Variants in SPATA32 observed in about 807,000 individuals in gnomAD.
SPATA32 encodes the protein spermatogenesis-associated protein 32.
Under a neutral mutation model 35.4 loss-of-function variants are expected in SPATA32, and 28 were observed. The ratio of observed to expected loss-of-function variants is 0.79; its 90% CI spans 0.59 to 1.09. The LOEUF is 1.09. Among genes scored for constraint, SPATA32 ranks in the 50% least tolerant of loss-of-function variants. The pLI is 0.00. For missense variants in SPATA32, 409 were observed against 475.9 expected (o/e 0.86, Z 1.31); for synonymous variants, 168 against 196.3 (o/e 0.86, Z 1.20).
In SPATA32 at chr17:45,255,442, G is replaced by T; in HGVS notation, c.740C>A (p.Ser247Tyr). The T allele has an allele frequency of 6.2e-7, 1 of 1,614,146 alleles. No individual in the cohort carries two copies. The highest frequency in any genetic ancestry group is 2.2e-5 in the East Asian group (1 of 44,888). ...CCTGCTGGAGGAGGCCATGGCCAGG[G>T]AAGATGCAAAGGTGATTAGCTCTGT... is the stretch of plus-strand genomic sequence containing the variant. ...DLTELITFAS[S>Y]LAMASSSRMD... The change falls in exon 4 of 5, where the codon TCC (serine) becomes TAC (tyrosine). Residue 247 changes from serine to tyrosine, a missense_variant. Transcript: ENST00000331780. The surrounding 1 kb of genome is among the most constrained non-coding windows in gnomAD (Gnocchi z 5.4).
Position 45,255,062 on chromosome 17 carries a change from G to T in SPATA32, c.1067+53C>A. On this transcript the variant is annotated intron_variant, in intron 4 of 4. Transcript: ENST00000331780. This position sits in a 1 kb window ranked among gnomAD's most constrained non-coding sequence, Gnocchi z 5.4. ...CCTACCCAGCTGTGTGAGGACCCCT[G>T]CCACGTTCTAGCACAGCCCCTCTAT... 6.4e-7 allele frequency: 1 copy of T among 1,562,618 alleles called. No homozygotes were observed. Among genetic ancestry groups the T allele is most frequent in the Non-Finnish European group, 8.8e-7 (1 of 1,139,044 alleles).
chr17:45,255,252 C>A lies in SPATA32; in HGVS notation c.930G>T (p.Trp310Cys). The A allele has an allele frequency of 6.2e-7, 1 of 1,614,222 alleles. No homozygotes were observed. Among genetic ancestry groups the A allele is most frequent in the East Asian group, 2.2e-5 (1 of 44,888 alleles). ...PREARAPLKS[W>C]SQEDKNFAQS... ...GAGCGAAGTTCTTGTCTTCCTGACT[C>A]CAAGATTTCAGTGGTGCTCTGGCTT... The change falls in exon 4 of 5, where the codon TGG (tryptophan) becomes TGT (cysteine). Residue 310 changes from tryptophan to cysteine, a missense_variant. Coordinates refer to ENST00000331780, the MANE Select transcript of SPATA32 (RefSeq NM_152343.3). The surrounding 1 kb of genome is among the most constrained non-coding windows in gnomAD (Gnocchi z 5.4).
chr17:45,256,183 T>C lies in SPATA32; in HGVS notation c.109-110A>G. On this transcript the variant is annotated intron_variant, in intron 3 of 4. Transcript: ENST00000331780. This position sits in a 1 kb window ranked among gnomAD's most constrained non-coding sequence, Gnocchi z 4.7. ...ACCCCTGCCCTGGGTCCTGCTGTCT[T>C]CCCCCCGCCCCCTAACCCCATGCCT... is the stretch of plus-strand genomic sequence containing the variant. 6 of 1,349,314 alleles carry C rather than the reference T, an allele frequency of 4.4e-6. No individual in the cohort carries two copies. Among genetic ancestry groups the C allele is most frequent in the Admixed American group, 1.9e-5 (1 of 51,308 alleles). The allele number at this position is 1,349,314 out of a possible 1,614,324, so 83.6% of individuals were successfully genotyped here.
At chr17:45,261,743 G>GT (rs1474236990) in intron 1 of SPATA32, 19 of 396,288 alleles carry the variant, frequency 4.8e-5, no homozygotes, top group African/African-American at 2.5e-4. Flanking sequence ...TGACTCTGCA[G>GT]TCCCTACTCC....
Position 45,257,206 on chromosome 17 carries a change from A to G in SPATA32, c.15T>C (p.Gly5=), listed in dbSNP as rs1190562670. Reference sequence around the variant, plus strand: ...TGCCGCAGCATGGAAATCCATGGGCACCTGACAGGGGAAAGGAGGTGAGGG... The same window carrying G: ...TGCCGCAGCATGGAAATCCATGGGCGCCTGACAGGGGAAAGGAGGTGAGGG... MGVT[G]AHGFPCCGKG... The change falls in exon 2 of 5, where the codon GGT becomes GGC. Residue 5 remains glycine, a splice_region_variant and synonymous_variant. Transcript: ENST00000331780. The G allele has an allele frequency of 6.2e-7, 1 of 1,610,492 alleles. No homozygotes were observed. The highest frequency in any genetic ancestry group is 2.2e-5 in the East Asian group (1 of 44,742).
At chr17:45,257,929 T>C (rs1398505974) in intron 1 of SPATA32, among the ~76,000 whole-genome samples, 1 of 152,218 alleles carries the variant, frequency 6.6e-6, no homozygotes, top group Non-Finnish European at 1.5e-5. Context: ...TATCTTTTAC[T>C]GCAGAAGCTG....
Position 45,255,496 on chromosome 17 carries a change from G to C in SPATA32, c.686C>G (p.Ser229Cys). ...GTCAATGGGTGGCGGGAGATCTGAG[G>C]ACAGGAGGGGGCTTGGTGCCTGGGA... is the stretch of plus-strand genomic sequence containing the variant. ...TSSQAPSPLL[S>C]SDLPPPIDLT... The change falls in exon 4 of 5, where the codon TCC becomes TGC. Residue 229 changes from serine (S) to cysteine (C), a missense_variant. By Grantham distance (112) the Ser-to-Cys change is moderately radical (BLOSUM62 -1). Transcript: ENST00000331780. This position sits in a 1 kb window ranked among gnomAD's most constrained non-coding sequence, Gnocchi z 5.4. 6.2e-7 allele frequency: 1 copy of C among 1,614,144 alleles called. No individual in the cohort carries two copies.
At position 45,256,417 on chromosome 17, in the gene SPATA32, TAAGACAG is replaced by T; in HGVS notation, c.69-9_69-3del. ...ATCTGGTGTTGACTTAAGTCATCTC[TAAGACAG>T]AAGAAGACAGAGTGGGTGATGGGGA... is the stretch of plus-strand genomic sequence containing the variant. On this transcript the variant is annotated splice_region_variant and splice_polypyrimidine_tract_variant and intron_variant, in intron 2 of 4. Coordinates refer to ENST00000331780, the MANE Select transcript of SPATA32 (RefSeq NM_152343.3). The surrounding 1 kb of genome is among the most constrained non-coding windows in gnomAD (Gnocchi z 4.7). 1 of 1,579,968 alleles carries T rather than the reference TAAGACAG, an allele frequency of 6.3e-7. No individual in the cohort carries two copies. Among genetic ancestry groups the T allele is most frequent in the Non-Finnish European group, 8.6e-7 (1 of 1,159,768 alleles).
In SPATA32 at chr17:45,262,072, C is replaced by T. The variant is rs1437018625; in HGVS notation, c.-56G>A. The T allele has an allele frequency of 7.6e-7, 1 of 1,310,182 alleles. No individual in the cohort carries two copies. Among genetic ancestry groups the T allele is most frequent in the African/African-American group, 1.5e-5 (1 of 66,380 alleles). 81.2% of individuals were successfully genotyped at this position (1,310,182 alleles called of 1,614,324 possible). On this transcript the variant is annotated 5_prime_UTR_variant, in exon 1 of 5. Transcript: ENST00000331780. ...AGCGGGCTGGTGGATGCTGCCTCTCCGCCTCCAGTGTGCTCTTTGGCTGAG... is the reference window on the plus strand; with the variant it reads ...AGCGGGCTGGTGGATGCTGCCTCTCTGCCTCCAGTGTGCTCTTTGGCTGAG...
In SPATA32 at chr17:45,257,178, C is replaced by T; in HGVS notation, c.43G>A (p.Gly15Arg). The T allele has an allele frequency of 1.2e-6, 2 of 1,612,646 alleles. No homozygotes were observed. Among genetic ancestry groups the T allele is most frequent in the Non-Finnish European group, 1.7e-6 (2 of 1,179,620 alleles). Residue 15 changes from glycine (G) to arginine (R), a missense_variant, in exon 2 of 5, where the codon GGG becomes AGG. By Grantham distance (125) the Gly-to-Arg change is moderately radical. Coordinates refer to ENST00000331780, the MANE Select transcript of SPATA32 (RefSeq NM_152343.3). The stretch of plus-strand genomic sequence containing the variant: ...CGCATCTCTGCAACCTCCACTGACC[C>T]TTTGCCGCAGCATGGAAATCCATGG... ...GAHGFPCCGKGSVEVAEMRDD... is the reference protein window; with the variant it reads ...GAHGFPCCGKRSVEVAEMRDD...
chr17:45,257,407 C>T (rs1598227645), intron 1 of SPATA32, among the ~76,000 whole-genome samples, 200 bp from the exon 2 acceptor site: 1 of 152,294 alleles, frequency 6.6e-6, no homozygotes, highest in Admixed American at 6.5e-5. Context: ...CACTCTCCGT[C>T]TGTGCCTTGC....
At chr17:45,261,956 T>C (rs1598231954) in intron 1 of SPATA32, 48 bp downstream of exon 1, 1 of 1,309,028 alleles carries the variant, frequency 7.6e-7, no homozygotes, top group Non-Finnish European at 9.8e-7. Context: ...CACTTTCGCT[T>C]TCCCCGCCTG....
Position 45,254,501 on chromosome 17 carries a change from T to C in SPATA32, c.1080A>G (p.Pro360=). The C allele has an allele frequency of 6.2e-7, 1 of 1,614,146 alleles. No individual in the cohort carries two copies. The highest frequency in any genetic ancestry group is 8.5e-7 in the Non-Finnish European group (1 of 1,180,012). ...LQGSKEDSVP[P]GKEKENPLLV... The stretch of plus-strand genomic sequence containing the variant: ...ATAATGGATTCTCTTTCTCTTTTCC[T>C]GGCGGCACTGAGCTGCAACACAAAA... The change falls in exon 5 of 5, where the codon CCA becomes CCG. Residue 360 remains proline (P), a synonymous_variant. Transcript: ENST00000331780.
Position 45,257,148 on chromosome 17 carries a change from C to G in SPATA32, c.68+5G>C. On this transcript the variant is annotated splice_donor_5th_base_variant and intron_variant, in intron 2 of 4. Transcript: ENST00000331780. ...GGCCCTACGTTGATTGAGGATGGTT[C>G]TCACCGCATCTCTGCAACCTCCACT... is the stretch of plus-strand genomic sequence containing the variant. 1 of 1,612,114 alleles carries G rather than the reference C, an allele frequency of 6.2e-7. No individual in the cohort carries two copies. The highest frequency in any genetic ancestry group is 8.5e-7 in the Non-Finnish European group (1 of 1,179,634).
intron 1 of SPATA32, among the ~76,000 whole-genome samples, chr17:45,257,909 T>C (rs1794767395): frequency 6.6e-6 from 1 of 152,192 alleles, no homozygotes; most frequent in Non-Finnish European, 1.5e-5. Flanking sequence ...AACCCCTCCC[T>C]GGAGGCTTGT....
intron 1 of SPATA32, among the ~76,000 whole-genome samples, chr17:45,259,420 GATATT>G (rs1598229171): frequency 6.6e-6 from 1 of 152,020 alleles, no homozygotes; most frequent in East Asian, 1.9e-4. Flanking sequence ...TCTTTAATAT[GATATT>G]ATATATGTTA....
chr17:45,256,435 A>C lies in SPATA32; in HGVS notation c.69-20T>G. The C allele has an allele frequency of 6.2e-7, 1 of 1,607,118 alleles. No individual in the cohort carries two copies. The highest frequency in any genetic ancestry group is 8.5e-7 in the Non-Finnish European group (1 of 1,173,642). On this transcript the variant is annotated intron_variant, in intron 2 of 4. Transcript: ENST00000331780. The surrounding 1 kb of genome is among the most constrained non-coding windows in gnomAD (Gnocchi z 4.7). The stretch of plus-strand genomic sequence containing the variant: ...TCATCTCTAAGACAGAAGAAGACAG[A>C]GTGGGTGATGGGGATCTGTGGGGCT...
intron 1 of SPATA32, among the ~76,000 whole-genome samples, chr17:45,259,081 T>C (rs780533241): frequency 6.6e-6 from 1 of 152,106 alleles, no homozygotes; most frequent in African/African-American, 2.4e-5. Context: ...TAGACAATAA[T>C]GTGTGTGAGT....
rs1450367709 is a variant in SPATA32, at chr17:45,256,530, T to C, written c.69-115A>G. 5 of 876,532 alleles carry C rather than the reference T, an allele frequency of 5.7e-6. No individual in the cohort carries two copies. In the African/African-American group the frequency reaches 8.1e-5, roughly 14 times the overall value. The allele number at this position is 876,532 out of a possible 1,614,324, so 54.3% of individuals were successfully genotyped here. A position where few individuals can be genotyped will look rare whatever the true frequency, so the allele number is the denominator to read the frequency against. ...GTAACAGAAGCTGGCACGATGCACC[T>C]CCCGCCGACCACCCCGCCACCAGCT... On this transcript the variant is annotated intron_variant, in intron 2 of 4. Transcript: ENST00000331780. This position sits in a 1 kb window ranked among gnomAD's most constrained non-coding sequence, Gnocchi z 4.7.
Sources: gnomAD v4.1 joint callset for allele counts (sites outside exome capture counted in the v4.1 genomes callset) on GRCh38, gnomAD v4.1.1 for gene constraint, Gnocchi (gnomAD v3.1) non-coding constraint, MANE v1.5 for transcripts, NCBI Gene and HGNC (gene_info 2026-07-23, HGNC 2026-07-21) for gene names.